Variants in PRKCA observed in about 807,000 individuals in gnomAD.
The protein encoded by PRKCA is protein kinase C alpha type.
A neutral mutation model predicts 87.0 loss-of-function variants in PRKCA; 27 were observed. The observed-to-expected ratio is 0.31, with a 90% confidence interval of 0.23 to 0.43. PRKCA has a LOEUF of 0.43. Ranked by LOEUF, PRKCA falls within the 20% of genes least tolerant of loss-of-function variation. PRKCA has a pLI of 1.00. For missense variants in PRKCA, 518 were observed against 852.3 expected, an observed-to-expected ratio of 0.61 and a Z score of 4.88; for synonymous variants, 329 against 311.1, an observed-to-expected ratio of 1.06 and a Z score of -0.61.
intron 16 of PRKCA, among the ~76,000 whole-genome samples, chr17:66,801,777 G>T (rs947752171): frequency 2.2e-4 from 34 of 152,172 alleles, no homozygotes; most frequent in African/African-American, 8.0e-4. Context: ...CCTCATGTCT[G>T]TATGGCTCCA....
chr17:66,729,780 CTTTTTTTT>C (rs60247180), intron 8 of PRKCA, among the ~76,000 whole-genome samples: 4 of 105,104 alleles, frequency 3.8e-5, no homozygotes, highest in Admixed American at 1.2e-4. Context: ...GCGAGTTATT[CTTTTTTTT>C]TTTTTTTTTT....
Position 66,742,752 on chromosome 17 carries a change from G to C in PRKCA, c.1516G>C (p.Ala506Pro), listed in dbSNP as rs750145950. 3 of 1,613,606 alleles carry C rather than the reference G, an allele frequency of 1.9e-6. No individual in the cohort carries two copies. In the African/African-American group the frequency reaches 4.0e-5, roughly 22 times the overall value. Residue 506 changes from alanine to proline, a missense_variant, in exon 13 of 17, where the codon GCC (alanine) becomes CCC (proline). Coordinates refer to ENST00000413366, the MANE Select transcript of PRKCA (RefSeq NM_002737.3). ...RTFCGTPDYI[A>P]PEIIAYQPYG... ...CTTCTGTGGGACTCCAGATTATATC[G>C]CCCCAGAGGTAGGAACCCCAGTGAT...
chr17:66,709,301 CTTTTTTTTTTT>C (rs552633887), intron 8 of PRKCA, among the ~76,000 whole-genome samples: 2 of 84,872 alleles, frequency 2.4e-5, no homozygotes, highest in Non-Finnish European at 4.5e-5. Context: ...GAGATGATTT[CTTTTTTTTTTT>C]TTTTTTTTTT....
At chr17:66,344,709 T>A (rs1907251813) in intron 2 of PRKCA, among the ~76,000 whole-genome samples, 1 of 152,192 alleles carries the variant, frequency 6.6e-6, no homozygotes, top group African/African-American at 2.4e-5. Flanking sequence ...CTCCAGAGCT[T>A]TCTTTTTGTC....
chr17:66,396,623 T>TTA (rs1555597957), intron 2 of PRKCA, among the ~76,000 whole-genome samples: 6,280 of 95,420 alleles, frequency 0.066, 206 homozygotes, highest in Admixed American at 0.15. Flanking sequence ...CTGTCATTCA[T>TTA]TCTCTCTCTT....
At chr17:66,409,718 A>C (rs1911659914) in intron 2 of PRKCA, among the ~76,000 whole-genome samples, 1 of 152,180 alleles carries the variant, frequency 6.6e-6, no homozygotes, top group Non-Finnish European at 1.5e-5. Flanking sequence ...TCACAAGGTC[A>C]GGAGATCGAG....
intron 2 of PRKCA, among the ~76,000 whole-genome samples, chr17:66,374,528 C>T (rs1282814985): frequency 1.3e-5 from 2 of 152,118 alleles, no homozygotes; most frequent in Non-Finnish European, 2.9e-5. Flanking sequence ...TTTCCATCAT[C>T]CTCCATTCCC....
chr17:66,698,149 C>T (rs1451097215), intron 8 of PRKCA, among the ~76,000 whole-genome samples: 2 of 152,320 alleles, frequency 1.3e-5, no homozygotes, highest in East Asian at 3.9e-4. Flanking sequence ...ATGACTGCCT[C>T]CTTCTTCAAA....
intron 3 of PRKCA, among the ~76,000 whole-genome samples, chr17:66,508,823 TG>T (rs1917089185): frequency 6.6e-6 from 1 of 152,212 alleles, no homozygotes; most frequent in South Asian, 2.1e-4. Flanking sequence ...TCTTTCATAT[TG>T]CCACCCCGTG....
intron 16 of PRKCA, among the ~76,000 whole-genome samples, chr17:66,801,553 C>T (rs185683707): frequency 2.0e-5 from 3 of 152,320 alleles, no homozygotes; most frequent in Admixed American, 1.3e-4. Context: ...TAGGAAGAAA[C>T]AGCATGCCCT....
At chr17:66,775,702 A>T in intron 14 of PRKCA, 1 of 985,438 alleles carries the variant, frequency 1.0e-6, no homozygotes, top group South Asian at 4.7e-5. Flanking sequence ...CTGGGGAAAA[A>T]GTCTTCCCTT....
chr17:66,392,166 C>G (rs895790755), intron 2 of PRKCA, among the ~76,000 whole-genome samples: 5 of 151,118 alleles, frequency 3.3e-5, no homozygotes, highest in African/African-American at 2.4e-5. Context: ...GGAGGCGGAG[C>G]TTGCAGTGAG....
At chr17:66,484,236 G>A (rs551531170) in intron 2 of PRKCA, among the ~76,000 whole-genome samples, 9 of 152,284 alleles carry the variant, frequency 5.9e-5, no homozygotes, top group Non-Finnish European at 7.3e-5. Flanking sequence ...CCCACAACAC[G>A]TGGGAATTAT....
intron 2 of PRKCA, among the ~76,000 whole-genome samples, chr17:66,466,254 C>T (rs540120811): frequency 6.6e-6 from 1 of 152,216 alleles, no homozygotes; most frequent in Admixed American, 6.5e-5. Flanking sequence ...ATGAACTGCA[C>T]GTGTGGAAAG....
intron 3 of PRKCA, among the ~76,000 whole-genome samples, chr17:66,544,713 C>G (rs1374766408): frequency 6.6e-6 from 1 of 152,158 alleles, no homozygotes; most frequent in Non-Finnish European, 1.5e-5. Context: ...CTGTCTCACC[C>G]TCCCAAGTAG....
intron 2 of PRKCA, among the ~76,000 whole-genome samples, chr17:66,331,992 T>G (rs759927877): frequency 1.3e-5 from 2 of 152,186 alleles, no homozygotes; most frequent in Non-Finnish European, 2.9e-5. Flanking sequence ...TTTTTTCGTT[T>G]GCTGTTGAAG....
At chr17:66,797,890 T>G (rs1196438161) in intron 16 of PRKCA, among the ~76,000 whole-genome samples, 1 of 152,224 alleles carries the variant, frequency 6.6e-6, no homozygotes, top group Non-Finnish European at 1.5e-5. Flanking sequence ...GCGGGTGACC[T>G]TTGGAGGTGG....
intron 2 of PRKCA, among the ~76,000 whole-genome samples, chr17:66,400,299 G>A (rs1450799898): frequency 1.3e-5 from 2 of 152,122 alleles, no homozygotes; most frequent in Admixed American, 6.5e-5. Context: ...CTACAGGTGC[G>A]TGCCACCACG....
At chr17:66,559,376 T>C (rs1443489059) in intron 3 of PRKCA, among the ~76,000 whole-genome samples, 1 of 147,836 alleles carries the variant, frequency 6.8e-6, no homozygotes, top group African/African-American at 2.5e-5. Flanking sequence ...CTCAGGAGGC[T>C]GAGGCAGAGA....
Sources: gnomAD v4.1 joint callset for allele counts (sites outside exome capture counted in the v4.1 genomes callset) on GRCh38, gnomAD v4.1.1 for gene constraint, MANE v1.5 for transcripts, NCBI Gene and HGNC (gene_info 2026-07-23, HGNC 2026-07-21) for gene names.